Variants in ABCC9 observed in about 807,000 individuals in gnomAD.
The protein encoded by ABCC9 is ATP-binding cassette sub-family C member 9.
ABCC9 carries 95 observed loss-of-function variants against 188.3 expected under a neutral mutation model. The observed-to-expected ratio is 0.50, with a 90% CI of 0.43 to 0.60. The LOEUF (loss-of-function observed/expected upper bound fraction) is 0.60. ABCC9 is among the 20% of genes least tolerant of loss of function. The pLI, the probability that ABCC9 is intolerant of heterozygous loss-of-function variation, is 0.00. For synonymous variants in ABCC9, 659 were observed against 652.7 expected (o/e 1.01, Z -0.15); for missense variants, 1,102 against 1,876.3 (o/e 0.59, Z 7.62).
chr12:21,885,271 T>G (rs527465880), intron 15 of ABCC9, among the ~76,000 whole-genome samples: 12 of 152,314 alleles, frequency 7.9e-5, no homozygotes, highest in Admixed American at 2.0e-4. Flanking sequence ...TTTAAAAAGT[T>G]TGTCATTTGT....
intron 36 of ABCC9, 132 bp from the exon 37 acceptor site, chr12:21,810,087 A>G: frequency 1.5e-6 from 1 of 664,752 alleles, no homozygotes; most frequent in East Asian, 2.7e-5. Context: ...TTCAGCACCT[A>G]GAACAGTGCC....
At chr12:21,884,938 C>G (rs967692703) in intron 15 of ABCC9, among the ~76,000 whole-genome samples, 1 of 152,150 alleles carries the variant, frequency 6.6e-6, no homozygotes, top group Non-Finnish European at 1.5e-5. Context: ...AGGTCTACAC[C>G]TACATATAAA....
At chr12:21,940,137 G>A (rs1045790359) in intron 2 of ABCC9, among the ~76,000 whole-genome samples, 1 of 152,218 alleles carries the variant, frequency 6.6e-6, no homozygotes, top group Non-Finnish European at 1.5e-5. Flanking sequence ...GTGAAAACTT[G>A]TCTTCCTTCC....
At chr12:21,900,498 G>A (rs919307167) in intron 12 of ABCC9, among the ~76,000 whole-genome samples, 5 of 152,240 alleles carry the variant, frequency 3.3e-5, no homozygotes, top group Admixed American at 2.0e-4. Context: ...GGCTTCAGAC[G>A]ATCAAACTTC....
chr12:21,848,345 C>T (rs1176825994), intron 24 of ABCC9, 99 bp from the exon 25 acceptor site: 3 of 1,014,062 alleles, frequency 3.0e-6, no homozygotes, highest in East Asian at 5.0e-5. Context: ...TTACCTTTAC[C>T]AATCTCAAGC....
intron 36 of ABCC9, among the ~76,000 whole-genome samples, chr12:21,811,823 C>A (rs940592441): frequency 4.6e-5 from 7 of 152,048 alleles, no homozygotes; most frequent in Non-Finnish European, 7.4e-5. Context: ...GAAAAAGTGG[C>A]TTTTATAGAA....
rs1177684407 is a variant in ABCC9, at chr12:21,829,072, AAAAACAC to A, written c.3567-19_3567-13del. On this transcript the variant is annotated splice_polypyrimidine_tract_variant and intron_variant, in intron 30 of 39. Transcript: ENST00000261200. ...ATCTGGTTTCATGCCTGCAGAAAAC[AAAAACAC>A]GATGTTAACCACACAACAGGAGAGG... The A allele has an allele frequency of 3.8e-6, 6 of 1,598,762 alleles. No homozygotes were observed. Among genetic ancestry groups the A allele is most frequent in the Middle Eastern group, 1.7e-4 (1 of 6,008 alleles).
intron 24 of ABCC9, 68 bp from the exon 25 acceptor site, chr12:21,848,314 C>T: frequency 7.4e-7 from 1 of 1,350,298 alleles, no homozygotes; most frequent in Non-Finnish European, 1.1e-6. Flanking sequence ...CAATGAATGA[C>T]TCACACGTGT....
intron 30 of ABCC9, among the ~76,000 whole-genome samples, chr12:21,832,108 C>T (rs1943795230): frequency 6.6e-6 from 1 of 152,166 alleles, no homozygotes. Context: ...ACACACTCAG[C>T]CTGTATCTTT....
intron 4 of ABCC9, 131 bp downstream of exon 4, chr12:21,933,651 A>C: frequency 2.1e-6 from 2 of 971,904 alleles, no homozygotes; most frequent in Non-Finnish European, 3.1e-6. Flanking sequence ...AACTTCCTGC[A>C]AGAGCTACAT....
intron 16 of ABCC9, among the ~76,000 whole-genome samples, chr12:21,880,337 G>A (rs1157256730): frequency 6.6e-6 from 1 of 152,018 alleles, no homozygotes; most frequent in African/African-American, 2.4e-5. Flanking sequence ...GGTAGGAAAA[G>A]TTTTCTTAAA....
intron 28 of ABCC9, among the ~76,000 whole-genome samples, chr12:21,844,234 A>C (rs1294757704): frequency 6.6e-6 from 1 of 152,172 alleles, no homozygotes; most frequent in East Asian, 1.9e-4. Flanking sequence ...TTAAATGTTC[A>C]ATCATTCTTT....
chr12:21,829,253 G>C (rs990783272), intron 30 of ABCC9, among the ~76,000 whole-genome samples, 193 bp from the exon 31 acceptor site: 22 of 135,130 alleles, frequency 1.6e-4, no homozygotes, highest in Admixed American at 8.0e-4. Flanking sequence ...CCAGGCTGGA[G>C]TGCAGTGGCG....
intron 18 of ABCC9, 103 bp downstream of exon 18, chr12:21,872,522 G>C: frequency 1.1e-6 from 1 of 897,140 alleles, no homozygotes; most frequent in Non-Finnish European, 1.9e-6. Flanking sequence ...TTTCTGCGTG[G>C]TCTTCAGAGT....
chr12:21,817,649 C>T (rs561295601), intron 32 of ABCC9, among the ~76,000 whole-genome samples: 131 of 152,208 alleles, frequency 8.6e-4, no homozygotes, highest in African/African-American at 2.9e-3. Flanking sequence ...ACTCAGGACA[C>T]GGATCCCAAA....
Position 21,857,491 on chromosome 12 carries a change from C to T in ABCC9, c.2505+2095G>A, listed in dbSNP as rs1945284632. 2.0e-5 allele frequency among the ~76,000 whole-genome samples: 3 copies of T among 152,088 alleles called. No individual in the cohort carries two copies. The South Asian group carries it at 6.2e-4, about 32-fold the overall frequency. ...TGTCTGTGGTAGAAAGAATAATGGC[C>T]CCTAAGGATGCCCTGGTCCTAATCC... On this transcript the variant is annotated intron_variant, in intron 22 of 39. Coordinates refer to ENST00000261200, the MANE Select transcript of ABCC9 (RefSeq NM_020297.4).
chr12:21,896,161 A>G (rs1456703882), intron 12 of ABCC9, among the ~76,000 whole-genome samples: 1 of 140,772 alleles, frequency 7.1e-6, no homozygotes, highest in Non-Finnish European at 1.5e-5. Context: ...TGTGCAGGTT[A>G]GTTACATATG....
At chr12:21,852,737 A>C (rs1310164029) in intron 22 of ABCC9, among the ~76,000 whole-genome samples, 2 of 152,142 alleles carry the variant, frequency 1.3e-5, no homozygotes, top group Non-Finnish European at 2.9e-5. Flanking sequence ...AAAAGCCTGC[A>C]CATGTACCTC....
intron 29 of ABCC9, among the ~76,000 whole-genome samples, chr12:21,841,452 G>A (rs1030701775): frequency 2.3e-4 from 32 of 140,872 alleles, no homozygotes; most frequent in East Asian, 2.3e-4. Flanking sequence ...TCTGCCTCCC[G>A]GGTTCAAGCG....
Sources: gnomAD v4.1 joint callset for allele counts (sites outside exome capture counted in the v4.1 genomes callset) on GRCh38, gnomAD v4.1.1 for gene constraint, MANE v1.5 for transcripts, NCBI Gene and HGNC (gene_info 2026-07-23, HGNC 2026-07-21) for gene names.